Variants in ZDHHC21 observed in about 807,000 individuals in gnomAD.
ZDHHC21 encodes zDHHC palmitoyltransferase 21, also known as palmitoyltransferase ZDHHC21.
In ZDHHC21, 15 loss-of-function variants were observed where a neutral mutation model predicts 34.6. The ratio of observed to expected loss-of-function variants is 0.43; its 90% CI spans 0.29 to 0.67. The LOEUF is 0.67. Among genes scored for constraint, ZDHHC21 ranks in the 30% least tolerant of loss-of-function variants. The pLI is 0.14. For synonymous variants in ZDHHC21, 142 were observed against 101.8 expected (o/e 1.40, Z -2.38); for missense variants, 344 against 327.7 (o/e 1.05, Z -0.38).
chr9:14,632,108 A>G (rs1827468857), intron 8 of ZDHHC21, among the ~76,000 whole-genome samples: 1 of 151,856 alleles, frequency 6.6e-6, no homozygotes, highest in Non-Finnish European at 1.5e-5. Context: ...AAAGCACAAT[A>G]TAACAAGTAT....
intron 8 of ZDHHC21, among the ~76,000 whole-genome samples, chr9:14,624,935 A>C (rs1825951157): frequency 6.6e-6 from 1 of 152,098 alleles, no homozygotes; most frequent in African/African-American, 2.4e-5. Context: ...ATTATATATC[A>C]ATCAAAAATT....
At chr9:14,689,774 T>C (rs766951172) in intron 2 of ZDHHC21, among the ~76,000 whole-genome samples, 1 of 152,164 alleles carries the variant, frequency 6.6e-6, no homozygotes, top group Non-Finnish European at 1.5e-5. Context: ...TTTTTGGGTA[T>C]GTTTGTCTGA....
chr9:14,674,096 A>T, intron 4 of ZDHHC21, 91 bp downstream of exon 4: 1 of 786,266 alleles, frequency 1.3e-6, no homozygotes, highest in Non-Finnish European at 1.9e-6. Flanking sequence ...TAAATATATT[A>T]AAAGGAAAGT....
chr9:14,689,522 T>A (rs1020981918), intron 2 of ZDHHC21, among the ~76,000 whole-genome samples: 1 of 152,236 alleles, frequency 6.6e-6, no homozygotes, highest in Non-Finnish European at 1.5e-5. Flanking sequence ...CTGGGCAAAA[T>A]TGAGCATAAG....
intron 5 of ZDHHC21, among the ~76,000 whole-genome samples, 180 bp downstream of exon 5, chr9:14,672,650 G>T (rs780269062): frequency 6.6e-6 from 1 of 152,066 alleles, no homozygotes; most frequent in Non-Finnish European, 1.5e-5. Context: ...AACTGCCGGG[G>T]TGCAGGGGGA....
chr9:14,606,975 T>A (rs946040247), downstream of ZDHHC21, among the ~76,000 whole-genome samples: 8 of 151,596 alleles, frequency 5.3e-5, no homozygotes, highest in Non-Finnish European at 1.2e-4. Flanking sequence ...AATAAGTACA[T>A]CCTCTGACTT....
chr9:14,609,545 C>T (rs1338896328), downstream of ZDHHC21, among the ~76,000 whole-genome samples: 2 of 152,124 alleles, frequency 1.3e-5, no homozygotes, highest in African/African-American at 2.4e-5. Context: ...TGTAATCTGT[C>T]ACCACAAACT....
the ZDHHC21 span, among the ~76,000 whole-genome samples, chr9:14,603,757 C>T: frequency 1.3e-5 from 2 of 152,102 alleles, no homozygotes; most frequent in South Asian, 2.1e-4. Context: ...AAAAGGGAAT[C>T]GCTGCTCTTT....
At chr9:14,673,377 T>A (rs1405923064) in intron 4 of ZDHHC21, among the ~76,000 whole-genome samples, 2 of 152,072 alleles carry the variant, frequency 1.3e-5, no homozygotes, top group Non-Finnish European at 2.9e-5. Context: ...TTTTGATGGA[T>A]CTTAAAATGA....
At chr9:14,688,358 G>A (rs548820293) in intron 2 of ZDHHC21, among the ~76,000 whole-genome samples, 1 of 150,932 alleles carries the variant, frequency 6.6e-6, no homozygotes, top group South Asian at 2.1e-4. Context: ...TGAAAGATAA[G>A]TTTTACTTCT....
At chr9:14,658,253 AC>A (rs1832652445) in intron 7 of ZDHHC21, among the ~76,000 whole-genome samples, 3 of 152,092 alleles carry the variant, frequency 2.0e-5, no homozygotes, top group African/African-American at 7.2e-5. Context: ...CTAATAAATA[AC>A]CATAAATGAA....
chr9:14,665,437 C>T lies in ZDHHC21; in HGVS notation c.254-3111G>A, dbSNP rs1490493840. Among the ~76,000 whole-genome samples the T allele has an allele frequency of 4.1e-5, 6 of 147,438 alleles. No homozygotes were observed. In the East Asian group the frequency reaches 8.2e-4, roughly 20 times the overall value. On this transcript the variant is annotated intron_variant, in intron 5 of 9. Transcript: ENST00000380916. ...GGAAAACACTCTGCAGGATATTATC[C>T]AGGAGAACTTCCCCAATCTAGCAAG...
downstream of ZDHHC21, among the ~76,000 whole-genome samples, chr9:14,610,529 T>C (rs1263964747): frequency 1.3e-5 from 2 of 152,016 alleles, no homozygotes; most frequent in African/African-American, 4.8e-5. Flanking sequence ...AAAAATAAAG[T>C]TAAACCTCTG....
chr9:14,665,607 G>T (rs1007373823), intron 5 of ZDHHC21, among the ~76,000 whole-genome samples: 1 of 145,158 alleles, frequency 6.9e-6, no homozygotes, highest in Non-Finnish European at 1.5e-5. Context: ...AGAAAGGTCG[G>T]GTTACCCTCA....
chr9:14,653,326 A>C (rs182063422), intron 7 of ZDHHC21, among the ~76,000 whole-genome samples: 53 of 152,064 alleles, frequency 3.5e-4, no homozygotes, highest in Admixed American at 1.3e-3. Flanking sequence ...TTCCACCATA[A>C]AACATTATTT....
At chr9:14,603,117 G>C in the ZDHHC21 span, among the ~76,000 whole-genome samples, 1 of 151,976 alleles carries the variant, frequency 6.6e-6, no homozygotes, top group South Asian at 2.1e-4. Flanking sequence ...TGAATATGTT[G>C]ATAGCTACAT....
At chr9:14,682,895 GA>G (rs1050614714) in intron 2 of ZDHHC21, among the ~76,000 whole-genome samples, 1 of 152,048 alleles carries the variant, frequency 6.6e-6, no homozygotes, top group African/African-American at 2.4e-5. Context: ...ACTCAAAACC[GA>G]ACAACTACAT....
the ZDHHC21 span, chr9:14,593,652 G>C: frequency 2.0e-5 from 3 of 152,226 alleles, no homozygotes; most frequent in African/African-American, 7.2e-5. Flanking sequence ...TCAGTTTTGA[G>C]ACTGTCCCTT....
At position 14,612,212 on chromosome 9, in the gene ZDHHC21, T is replaced by C. The variant is rs1823418534; in HGVS notation, c.*6754A>G. On this transcript the variant is annotated 3_prime_UTR_variant, in exon 10 of 10. Transcript: ENST00000380916. Reference sequence around the variant, plus strand: ...CATTTCACATAAATTTCAGACTTGATTCTTTTTTTCCATTCAGAATTGACT... The same window carrying C: ...CATTTCACATAAATTTCAGACTTGACTCTTTTTTTCCATTCAGAATTGACT... 1 of 152,012 alleles carries C rather than the reference T, an allele frequency of 6.6e-6. No homozygotes were observed. Among genetic ancestry groups the C allele is most frequent in the African/African-American group, 2.4e-5 (1 of 41,426 alleles). The allele number at this position is 152,012 out of a possible 1,614,324, so 9.4% of individuals were successfully genotyped here.
Sources: allele counts gnomAD v4.1 joint callset (sites outside exome capture counted in the v4.1 genomes callset), GRCh38; gene constraint gnomAD v4.1.1; transcripts MANE v1.5; gene names NCBI Gene and HGNC (gene_info 2026-07-23, HGNC 2026-07-21).